Variants in CLCA4 observed in about 807,000 individuals in gnomAD.
CLCA4 encodes calcium-activated chloride channel regulator 4.
Under a neutral mutation model 78.9 loss-of-function variants are expected in CLCA4, and 69 were observed. The observed-to-expected ratio is 0.87, with a 90% CI of 0.72 to 1.07. CLCA4 has a LOEUF of 1.07. Ranked by LOEUF, CLCA4 falls within the 50% of genes least tolerant of loss-of-function variation. The pLI is 0.00. For synonymous variants in CLCA4, 362 were observed against 375.8 expected (o/e 0.96, Z 0.42); for missense variants, 1,133 against 1,095.8 (o/e 1.03, Z -0.48).
chr1:86,560,703 C>G (rs891623014), intron 3 of CLCA4, among the ~76,000 whole-genome samples: 7 of 152,190 alleles, frequency 4.6e-5, no homozygotes, highest in African/African-American at 1.7e-4. Context: ...TTCCACTTCT[C>G]CATAGCTGGA....
intron 7 of CLCA4, among the ~76,000 whole-genome samples, chr1:86,568,327 A>G (rs1363367143): frequency 6.7e-6 from 1 of 149,520 alleles, no homozygotes; most frequent in East Asian, 1.9e-4. Context: ...AACAATATTT[A>G]CTATATTATA....
chr1:86,579,845 A>G, intron 13 of CLCA4, 97 bp from the exon 14 acceptor site: 1 of 881,184 alleles, frequency 1.1e-6, no homozygotes, highest in Non-Finnish European at 1.7e-6. Flanking sequence ...CTTTTGATCT[A>G]TCTGCTTTGC....
intron 3 of CLCA4, 78 bp downstream of exon 3, chr1:86,560,436 TG>T: frequency 6.9e-7 from 1 of 1,453,076 alleles, no homozygotes; most frequent in Middle Eastern, 1.8e-4. Context: ...GTGCAGGCCA[TG>T]GGGCCAAAGT....
rs752513329 is a variant in CLCA4 at position 86,577,882 on chromosome 1, T to C, written c.1952-20T>C. ...AAAATTTCTCTTTACAAGACTTTAT[T>C]CCTTCATTTCTATAACAAGGCGCTG... On this transcript the variant is annotated intron_variant, in intron 11 of 13. Transcript: ENST00000370563. 44 of 1,600,130 alleles carry C rather than the reference T, an allele frequency of 2.7e-5. No homozygotes were observed. The highest frequency in any genetic ancestry group is 3.7e-5 in the Non-Finnish European group (43 of 1,173,648).
chr1:86,560,720 C>T (rs1325785948), intron 3 of CLCA4, among the ~76,000 whole-genome samples: 1 of 152,124 alleles, frequency 6.6e-6, no homozygotes, highest in Non-Finnish European at 1.5e-5. Context: ...TGGATATTAA[C>T]AAATCACCAG....
At position 86,565,354 on chromosome 1, in the gene CLCA4, A is replaced by T; in HGVS notation, c.638A>T (p.Asp213Val). 6.2e-7 allele frequency: 1 copy of T among 1,609,342 alleles called. No homozygotes were observed. The highest frequency in any genetic ancestry group is 8.5e-7 in the Non-Finnish European group (1 of 1,176,288). ...TGTCTTAGTAGAGCATGCAGAATTG[A>T]TTCTACAACAAAACTGTATGGAAAA... Reference protein sequence around the residue: ...GSCLSRACRIDSTTKLYGKDC... With the variant: ...GSCLSRACRIVSTTKLYGKDC... The change falls in exon 5 of 14, where the codon GAT becomes GTT. Residue 213 changes from aspartate to valine, a missense_variant. Asp to Val is a radical substitution (Grantham distance 152). Transcript: ENST00000370563.
At chr1:86,558,630 A>C (rs1382135490) in intron 1 of CLCA4, among the ~76,000 whole-genome samples, 1 of 152,134 alleles carries the variant, frequency 6.6e-6, no homozygotes, top group Non-Finnish European at 1.5e-5. Context: ...GCAGAAGAGG[A>C]AGCAAACATG....
At chr1:86,566,607 A>AT (rs1650196166) in intron 6 of CLCA4, among the ~76,000 whole-genome samples, 1 of 152,082 alleles carries the variant, frequency 6.6e-6, no homozygotes, top group Non-Finnish European at 1.5e-5. Context: ...GCAGAGAATG[A>AT]TAGAACTGAA....
chr1:86,550,046 A>C (rs1649610407), intron 1 of CLCA4, among the ~76,000 whole-genome samples: 1 of 152,170 alleles, frequency 6.6e-6, no homozygotes, highest in African/African-American at 2.4e-5. Context: ...CCCTGATATC[A>C]ACATATACTA....
rs1650636159 is a variant in CLCA4 at position 86,579,407 on chromosome 1, AC to A, written c.2178del (p.Leu727TrpfsTer65). On this transcript the variant is annotated frameshift_variant, in exon 13 of 14. Transcript: ENST00000370563. LOFTEE classifies it high-confidence loss of function. ...RPEIDEDTQT[T>X]LEDFSRTASG... Reference sequence around the variant, plus strand: ...TGAAATTGATGAGGATACTCAGACCACCTTGGAGGATTTCAGCCGAACAGCA... The same window carrying A: ...TGAAATTGATGAGGATACTCAGACCACTTGGAGGATTTCAGCCGAACAGCA... 6.2e-6 allele frequency: 10 copies of A among 1,613,298 alleles called. No individual in the cohort carries two copies. Among genetic ancestry groups the A allele is most frequent in the Non-Finnish European group, 8.5e-6 (10 of 1,179,510 alleles).
intron 11 of CLCA4, among the ~76,000 whole-genome samples, 188 bp from the exon 12 acceptor site, chr1:86,577,714 G>A (rs546228673): frequency 1.2e-4 from 18 of 152,156 alleles, no homozygotes; most frequent in South Asian, 6.2e-4. Context: ...AATAGATATC[G>A]AAATAGCTCA....
Position 86,567,584 on chromosome 1 carries a change from T to C in CLCA4, c.1115T>C (p.Met372Thr), listed in dbSNP as rs1263702993. 3 of 1,613,354 alleles carry C rather than the reference T, an allele frequency of 1.9e-6. No homozygotes were observed. The highest frequency in any genetic ancestry group is 1.1e-5 in the South Asian group (1 of 91,062). The part of the protein sequence containing the change: ...IKSSDERNTL[M>T]AGLPTYPLGG... ...AGCAGTGATGAAAGAAACACACTCATGGCAGGATTACCTACATATCCTCTG... is the reference window on the plus strand; with the variant it reads ...AGCAGTGATGAAAGAAACACACTCACGGCAGGATTACCTACATATCCTCTG... The change falls in exon 7 of 14, where the codon ATG (methionine) becomes ACG (threonine). Residue 372 changes from methionine (M) to threonine (T), a missense_variant. Met to Thr is a moderately conservative substitution (Grantham distance 81). Coordinates refer to ENST00000370563, the MANE Select transcript of CLCA4 (RefSeq NM_012128.4).
chr1:86,550,932 C>G (rs1437425247), intron 1 of CLCA4, among the ~76,000 whole-genome samples: 1 of 150,848 alleles, frequency 6.6e-6, no homozygotes, highest in Admixed American at 6.6e-5. Context: ...CCCACGTTCA[C>G]GCCATTCTCC....
intron 1 of CLCA4, among the ~76,000 whole-genome samples, chr1:86,550,645 G>C (rs1015734205): frequency 1.3e-5 from 2 of 151,778 alleles, no homozygotes. Context: ...ATCACAGTCA[G>C]AGGTAAGAAT....
chr1:86,553,945 G>C (rs1570319808), intron 1 of CLCA4, among the ~76,000 whole-genome samples: 1 of 151,980 alleles, frequency 6.6e-6, no homozygotes, highest in African/African-American at 2.4e-5. Context: ...AAAAAAAAAA[G>C]TTTGTGTGTC....
In CLCA4 at chr1:86,580,249, T is replaced by A; in HGVS notation, c.2664T>A (p.Asp888Glu). The change falls in exon 14 of 14, where the codon GAT (aspartate) becomes GAA (glutamate). Residue 888 changes from aspartate (D) to glutamate (E), a missense_variant. Coordinates refer to ENST00000370563, the MANE Select transcript of CLCA4 (RefSeq NM_012128.4). ...TPTPTPTPTPDKSHNSGVNIS... is the reference protein window; with the variant it reads ...TPTPTPTPTPEKSHNSGVNIS... ...CTCCTACTCCTACTCCTACTCCTGA[T>A]AAAAGTCATAATTCTGGAGTTAATA... 6.2e-7 allele frequency: 1 copy of A among 1,611,764 alleles called. No homozygotes were observed. Among genetic ancestry groups the A allele is most frequent in the East Asian group, 2.2e-5 (1 of 44,732 alleles).
chr1:86,566,842 C>T (rs1231507535), intron 6 of CLCA4, among the ~76,000 whole-genome samples: 1 of 151,884 alleles, frequency 6.6e-6, no homozygotes, highest in Non-Finnish European at 1.5e-5. Flanking sequence ...CTGAGGGTTA[C>T]CAAAGAGCCA....
chr1:86,552,606 T>C (rs762672004), intron 1 of CLCA4: 1 of 647,808 alleles, frequency 1.5e-6, no homozygotes, highest in African/African-American at 1.8e-5. Flanking sequence ...CTGCGAGCGC[T>C]CAGGGCTCTG....
At position 86,580,440 on chromosome 1, in the gene CLCA4, C is replaced by T. The variant is rs527604947; in HGVS notation, c.*95C>T. The T allele has an allele frequency of 1.2e-4, 121 of 985,304 alleles. No homozygotes were observed. Among genetic ancestry groups the T allele is most frequent in the African/African-American group, 8.5e-4 (52 of 61,114 alleles). 61.0% of individuals were successfully genotyped at this position (985,304 alleles called of 1,614,324 possible). On this transcript the variant is annotated 3_prime_UTR_variant, in exon 14 of 14. Coordinates refer to ENST00000370563, the MANE Select transcript of CLCA4 (RefSeq NM_012128.4). Reference sequence around the variant, plus strand: ...AAGGATATTTCTGAATCTTAAAATTCATCCCATGTGTGATCATAAACTCAT... The same window carrying T: ...AAGGATATTTCTGAATCTTAAAATTTATCCCATGTGTGATCATAAACTCAT...
Sources: allele counts gnomAD v4.1 joint callset (sites outside exome capture counted in the v4.1 genomes callset), GRCh38; gene constraint gnomAD v4.1.1; transcripts MANE v1.5; gene names NCBI Gene and HGNC (gene_info 2026-07-23, HGNC 2026-07-21).